Variants in HFM1 observed in about 807,000 individuals in gnomAD.
The protein encoded by HFM1 is probable ATP-dependent DNA helicase HFM1.
Under a neutral mutation model 192.1 loss-of-function variants are expected in HFM1, and 169 were observed. That is an observed-to-expected ratio of 0.88 (90% CI 0.78 to 1.00). The LOEUF is 1.00. HFM1 is among the 50% of genes least tolerant of loss of function. The probability of loss-of-function intolerance (pLI) is 0.00; values close to 1 mark genes in which losing one functional copy is unlikely to be tolerated. For synonymous variants in HFM1, 525 were observed against 537.8 expected (o/e 0.98, Z 0.33); for missense variants, 1,661 against 1,668.0 (o/e 1.00, Z 0.07).
rs751116446 is a variant in HFM1 at position 91,380,161 on chromosome 1, T to C, written c.949A>G (p.Ile317Val). 3 of 1,523,606 alleles carry C rather than the reference T, an allele frequency of 2.0e-6. No homozygotes were observed. The highest frequency in any genetic ancestry group is 1.7e-4 in the Middle Eastern group (1 of 5,858). The allele number at this position is 1,523,606 out of a possible 1,614,324, so 94.4% of individuals were successfully genotyped here. A position where few individuals can be genotyped will look rare whatever the true frequency, so the allele number is the denominator to read the frequency against. The change falls in exon 8 of 39, where the codon ATA becomes GTA. Residue 317 changes from isoleucine (I) to valine (V), a missense_variant. By Grantham distance (29) the Ile-to-Val change is conservative. Transcript: ENST00000370425. ...GGTACTTCCATTAACAATCTTGTTA[T>C]AGCTAGTTCAAACACTACAGTTTTT... ...SGKTVVFELAITRLLMEVPLP... is the reference protein window; with the variant it reads ...SGKTVVFELAVTRLLMEVPLP...
chr1:91,315,882 C>A lies in HFM1; in HGVS notation c.3073G>T (p.Asp1025Tyr). 6.2e-7 allele frequency: 1 copy of A among 1,610,408 alleles called. No individual in the cohort carries two copies. The change falls in exon 28 of 39, where the codon GAT (aspartate) becomes TAT (tyrosine). Residue 1025 changes from aspartate to tyrosine, a missense_variant. By Grantham distance (160) the Asp-to-Tyr change is radical. Coordinates refer to ENST00000370425, the MANE Select transcript of HFM1 (RefSeq NM_001017975.6). ...ATGATTAAGGTAACATAGTGAGAAT[C>A]CGATGCTGTTCTTTTAGTTTGTAGC... ...EQLQTKRTAS[D>Y]SHYVTLIIGD...
Position 91,289,458 on chromosome 1 carries a change from G to T in HFM1, c.3392-12396C>A, listed in dbSNP as rs1230424506. Among the ~76,000 whole-genome samples, 4 of 152,294 alleles carry T rather than the reference G, an allele frequency of 2.6e-5. No individual in the cohort carries two copies. The East Asian group carries it at 7.7e-4, about 29-fold the overall frequency. Reference sequence around the variant, plus strand: ...AGATGCTCCTCACTTCCTAGACAGAGTGGCACCTGGGCAGAGGCTGCAATC... The same window carrying T: ...AGATGCTCCTCACTTCCTAGACAGATTGGCACCTGGGCAGAGGCTGCAATC... On this transcript the variant is annotated intron_variant, in intron 30 of 38. Transcript: ENST00000370425.
intron 3 of HFM1, among the ~76,000 whole-genome samples, chr1:91,395,836 C>T (rs577560501): frequency 1.6e-4 from 24 of 151,160 alleles, no homozygotes; most frequent in Middle Eastern, 6.9e-3. Flanking sequence ...TGATAATTTG[C>T]CTAACAGTTT....
chr1:91,368,668 G>A (rs1472482110), intron 13 of HFM1, among the ~76,000 whole-genome samples: 1 of 152,094 alleles, frequency 6.6e-6, no homozygotes, highest in African/African-American at 2.4e-5. Context: ...AGACCATCAA[G>A]GCTAGGAAGA....
At chr1:91,316,546 A>G (rs376347766) in intron 25 of HFM1, 70 bp from the exon 26 acceptor site, 83 of 667,810 alleles carry the variant, frequency 1.2e-4, no homozygotes, top group Middle Eastern at 8.6e-4. Flanking sequence ...TTAAATATTT[A>G]ACAACTAAAT....
chr1:91,336,334 T>G (rs1654574641), intron 20 of HFM1, among the ~76,000 whole-genome samples: 2 of 148,902 alleles, frequency 1.3e-5, no homozygotes, highest in African/African-American at 4.9e-5. Flanking sequence ...CCTCTCATAC[T>G]TTCTCCCTCT....
At chr1:91,335,106 T>G (rs1020556419) in intron 20 of HFM1, among the ~76,000 whole-genome samples, 1 of 152,128 alleles carries the variant, frequency 6.6e-6, no homozygotes, top group African/African-American at 2.4e-5. Context: ...GAAAAGATTT[T>G]TGGCATTCCA....
At chr1:91,375,337 T>C in intron 13 of HFM1, 21 bp downstream of exon 13, 2 of 1,573,768 alleles carry the variant, frequency 1.3e-6, no homozygotes, top group Non-Finnish European at 1.7e-6. Context: ...TCTACTTCCA[T>C]GAAAAAATAA....
chr1:91,267,323 G>A (rs1665859022), intron 35 of HFM1, among the ~76,000 whole-genome samples: 1 of 152,032 alleles, frequency 6.6e-6, no homozygotes, highest in Non-Finnish European at 1.5e-5. Context: ...ATTTCAACTA[G>A]AAATAAAAGT....
intron 4 of HFM1, among the ~76,000 whole-genome samples, chr1:91,386,476 A>G (rs1662229438): frequency 6.6e-6 from 1 of 152,204 alleles, no homozygotes; most frequent in Non-Finnish European, 1.5e-5. Context: ...ACGCATTCTC[A>G]CAAGAGAGCC....
intron 13 of HFM1, among the ~76,000 whole-genome samples, chr1:91,366,114 T>C (rs970449025): frequency 3.3e-5 from 5 of 152,114 alleles, no homozygotes; most frequent in African/African-American, 1.2e-4. Flanking sequence ...AATTAAGATA[T>C]ATGTTTGCAA....
intron 13 of HFM1, among the ~76,000 whole-genome samples, chr1:91,365,376 A>C (rs2101868707): frequency 6.6e-6 from 1 of 152,312 alleles, no homozygotes; most frequent in African/African-American, 2.4e-5. Flanking sequence ...TGTCAAAAAA[A>C]AAACTATGTG....
intron 30 of HFM1, among the ~76,000 whole-genome samples, chr1:91,308,534 T>C (rs1478995152): frequency 6.6e-6 from 1 of 152,168 alleles, no homozygotes; most frequent in Admixed American, 6.5e-5. Context: ...TATTTTATAC[T>C]TTTTTTAAAG....
intron 19 of HFM1, among the ~76,000 whole-genome samples, chr1:91,344,041 T>C (rs1365885508): frequency 2.0e-5 from 3 of 152,190 alleles, no homozygotes; most frequent in Non-Finnish European, 4.4e-5. Flanking sequence ...AAACCACCAG[T>C]TCTTCCCCTC....
intron 25 of HFM1, 106 bp downstream of exon 25, chr1:91,318,972 A>G (rs879243465): frequency 8.8e-7 from 1 of 1,142,650 alleles, no homozygotes; most frequent in Admixed American, 2.5e-5. Flanking sequence ...CTACAAACAC[A>G]TACCTTCCTT....
At chr1:91,315,552 G>T (rs537322874) in intron 28 of HFM1, among the ~76,000 whole-genome samples, 1 of 152,250 alleles carries the variant, frequency 6.6e-6, no homozygotes, top group East Asian at 1.9e-4. Flanking sequence ...AGACCTCCTA[G>T]AGGTAATCTA....
chr1:91,330,546 C>T (rs1032389893), intron 20 of HFM1, among the ~76,000 whole-genome samples: 1 of 152,162 alleles, frequency 6.6e-6, no homozygotes, highest in Admixed American at 6.6e-5. Flanking sequence ...GACCCAATGG[C>T]TTCACTGCTG....
intron 21 of HFM1, among the ~76,000 whole-genome samples, chr1:91,323,443 A>C (rs936734706): frequency 1.3e-5 from 2 of 152,174 alleles, no homozygotes; most frequent in South Asian, 2.1e-4. Flanking sequence ...TATACCAATA[A>C]AACTTTAAAG....
chr1:91,355,886 A>G (rs1048595302), intron 13 of HFM1, among the ~76,000 whole-genome samples: 5 of 152,304 alleles, frequency 3.3e-5, no homozygotes, highest in Middle Eastern at 3.4e-3. Context: ...CAAATATAGA[A>G]CTTTGCATTC....
Sources: gnomAD v4.1 joint callset for allele counts (sites outside exome capture counted in the v4.1 genomes callset) on GRCh38, gnomAD v4.1.1 for gene constraint, MANE v1.5 for transcripts, NCBI Gene and HGNC (gene_info 2026-07-23, HGNC 2026-07-21) for gene names.